Variants in CNTNAP5 observed in about 807,000 individuals in gnomAD.
The protein encoded by CNTNAP5 is contactin-associated protein-like 5.
CNTNAP5 carries 72 observed loss-of-function variants against 150.2 expected under a neutral mutation model. The observed-to-expected ratio is 0.48, with a 90% CI of 0.40 to 0.58. The LOEUF is 0.58. Ranked by LOEUF, CNTNAP5 falls within the 20% of genes least tolerant of loss-of-function variation. CNTNAP5 has a pLI of 0.00. For missense variants in CNTNAP5, 1,636 were observed against 1,626.2 expected (o/e 1.01, Z -0.10); for synonymous variants, 672 against 619.8 (o/e 1.08, Z -1.25).
Position 124,434,581 on chromosome 2 carries a change from C to A in CNTNAP5, c.627C>A (p.Phe209Leu). 1 of 1,613,940 alleles carries A rather than the reference C, an allele frequency of 6.2e-7. No individual in the cohort carries two copies. Residue 209 changes from phenylalanine to leucine, a missense_variant, in exon 5 of 24, where the codon TTC (phenylalanine) becomes TTA (leucine). Physicochemically the swap from Phe to Leu is conservative, Grantham distance 22. Coordinates refer to ENST00000682447, the MANE Select transcript of CNTNAP5 (RefSeq NM_001367498.1). ...STLKDVISLK[F>L]KSMQGDGVLF... ...TCAAAGATGTGATCTCCCTGAAGTT[C>A]AAGAGCATGCAAGGAGATGGGGTCC...
intron 3 of CNTNAP5, among the ~76,000 whole-genome samples, chr2:124,302,647 C>T (rs1214615633): frequency 6.6e-6 from 1 of 152,190 alleles, no homozygotes; most frequent in African/African-American, 2.4e-5. Context: ...ACCTTAATCA[C>T]CTCTTATCAG....
At chr2:124,813,310 C>T (rs1021341714) in intron 19 of CNTNAP5, among the ~76,000 whole-genome samples, 4 of 151,858 alleles carry the variant, frequency 2.6e-5, no homozygotes, top group Non-Finnish European at 5.9e-5. Context: ...ATCTCCTGAC[C>T]TCGTGATCCA....
intron 12 of CNTNAP5, among the ~76,000 whole-genome samples, chr2:124,627,691 G>A (rs990932587): frequency 1.3e-5 from 2 of 152,126 alleles, no homozygotes; most frequent in South Asian, 4.1e-4. Context: ...CTCCAGCAAG[G>A]TCACAGAACG....
chr2:124,795,092 A>G (rs1374179684), intron 18 of CNTNAP5, among the ~76,000 whole-genome samples: 1 of 152,092 alleles, frequency 6.6e-6, no homozygotes, highest in African/African-American at 2.4e-5. Flanking sequence ...TAATTCTACT[A>G]CTATTATTAA....
intron 1 of CNTNAP5, among the ~76,000 whole-genome samples, chr2:124,203,853 T>C (rs936696471): frequency 6.6e-6 from 1 of 152,226 alleles, no homozygotes; most frequent in Non-Finnish European, 1.5e-5. Flanking sequence ...TGTGATGGAA[T>C]GGGCTACCAT....
intron 1 of CNTNAP5, among the ~76,000 whole-genome samples, chr2:124,113,762 T>C (rs1339194073): frequency 1.3e-5 from 2 of 151,984 alleles, no homozygotes; most frequent in African/African-American, 2.4e-5. Context: ...AGCCTTATTG[T>C]TTTACCTTTC....
intron 3 of CNTNAP5, among the ~76,000 whole-genome samples, chr2:124,254,344 A>C (rs2104783681): frequency 6.6e-6 from 1 of 152,210 alleles, no homozygotes; most frequent in Non-Finnish European, 1.5e-5. Context: ...GGCCTGAGGC[A>C]TTTGCAAATT....
At chr2:124,883,926 G>A (rs1176968418) in intron 21 of CNTNAP5, among the ~76,000 whole-genome samples, 5 of 151,928 alleles carry the variant, frequency 3.3e-5, no homozygotes, top group African/African-American at 4.8e-5. Context: ...GTGTGTAAAT[G>A]TATGTCTGTG....
chr2:124,590,061 CCT>C (rs149567321), intron 11 of CNTNAP5, among the ~76,000 whole-genome samples: 1 of 151,094 alleles, frequency 6.6e-6, no homozygotes. Context: ...TTTTCCCCTC[CCT>C]CTCTCTCTCT....
intron 1 of CNTNAP5, among the ~76,000 whole-genome samples, chr2:124,192,764 A>G (rs1685489741): frequency 1.3e-5 from 2 of 152,032 alleles, no homozygotes; most frequent in South Asian, 2.1e-4. Flanking sequence ...TGACCACCCT[A>G]TTGAATATTA....
At chr2:124,745,339 C>A (rs1680582888) in intron 13 of CNTNAP5, among the ~76,000 whole-genome samples, 1 of 152,100 alleles carries the variant, frequency 6.6e-6, no homozygotes, top group South Asian at 2.1e-4. Flanking sequence ...GAGGCCTGGG[C>A]TGTTGAAAGG....
intron 2 of CNTNAP5, among the ~76,000 whole-genome samples, chr2:124,233,878 A>G (rs1558812571): frequency 1.3e-5 from 2 of 151,912 alleles, no homozygotes; most frequent in African/African-American, 4.8e-5. Flanking sequence ...ATCCAAAGTC[A>G]CAAGGTAGAA....
At chr2:124,666,392 G>T (rs748684267) in intron 13 of CNTNAP5, among the ~76,000 whole-genome samples, 23 of 152,140 alleles carry the variant, frequency 1.5e-4, no homozygotes, top group Non-Finnish European at 2.5e-4. Context: ...ACTTGTAGAG[G>T]TGTGTGACTT....
intron 13 of CNTNAP5, among the ~76,000 whole-genome samples, chr2:124,737,951 T>C (rs1181413940): frequency 1.3e-5 from 2 of 152,204 alleles, no homozygotes; most frequent in East Asian, 3.9e-4. Context: ...TGGAATATTT[T>C]AAATGCTCAA....
chr2:124,360,852 G>C (rs1177158698), intron 3 of CNTNAP5, among the ~76,000 whole-genome samples: 13 of 131,000 alleles, frequency 9.9e-5, no homozygotes, highest in African/African-American at 2.9e-4. Flanking sequence ...CTGAACGTTG[G>C]CCTGCCTTGC....
At chr2:124,072,660 A>G (rs1227384206) in intron 1 of CNTNAP5, among the ~76,000 whole-genome samples, 1 of 151,894 alleles carries the variant, frequency 6.6e-6, no homozygotes, top group Non-Finnish European at 1.5e-5. Context: ...GGAATCAACC[A>G]GAAAATGAAA....
intron 1 of CNTNAP5, among the ~76,000 whole-genome samples, chr2:124,188,716 CAAAAAA>C (rs70996047): frequency 8.2e-5 from 6 of 73,076 alleles, no homozygotes; most frequent in South Asian, 6.6e-4. Context: ...GACTCTGTCT[CAAAAAA>C]AAAAAAAAAA....
In CNTNAP5 at chr2:124,548,160, G is replaced by C. The variant is rs534474135; in HGVS notation, c.1650-15057G>C. Among the ~76,000 whole-genome samples the C allele has an allele frequency of 2.7e-4, 41 of 152,220 alleles. No individual in the cohort carries two copies. In the South Asian group the frequency reaches 8.1e-3, roughly 30 times the overall value. ...GGAAGGATTTAGTGTTTTCCTCTTT[G>C]TTTGTGTTCTCCATAATCTCCATGT... On this transcript the variant is annotated intron_variant, in intron 10 of 23. Coordinates refer to ENST00000682447, the MANE Select transcript of CNTNAP5 (RefSeq NM_001367498.1).
intron 3 of CNTNAP5, among the ~76,000 whole-genome samples, chr2:124,250,870 A>AT (rs889320373): frequency 1.4e-4 from 21 of 151,950 alleles, no homozygotes; most frequent in African/African-American, 4.4e-4. Flanking sequence ...AACAATCAAC[A>AT]TTAAGAAGGA....
Sources: allele counts gnomAD v4.1 joint callset (sites outside exome capture counted in the v4.1 genomes callset), GRCh38; gene constraint gnomAD v4.1.1; transcripts MANE v1.5; gene names NCBI Gene and HGNC (gene_info 2026-07-23, HGNC 2026-07-21).